The following FREM1 variants were observed in gnomAD, a reference collection of about 807,000 sequenced individuals.
The protein encoded by FREM1 is FRAS1-related extracellular matrix protein 1.
FREM1 carries 220 observed loss-of-function variants against 210.1 expected under a neutral mutation model. The ratio of observed to expected loss-of-function variants is 1.05; its 90% CI spans 0.94 to 1.17. FREM1 has a LOEUF of 1.17. Ranked by LOEUF, FREM1 falls within the 50% of genes most tolerant of loss-of-function variation. The pLI, the probability that FREM1 is intolerant of heterozygous loss-of-function variation, is 0.00. For missense variants in FREM1, 3,454 were observed against 2,675.5 expected, an observed-to-expected ratio of 1.29 and a Z score of -6.42; for synonymous variants, 1,189 against 980.2, an observed-to-expected ratio of 1.21 and a Z score of -3.98.
intron 4 of FREM1, among the ~76,000 whole-genome samples, chr9:14,858,250 G>C (rs746598697): frequency 2.6e-5 from 4 of 152,072 alleles, no homozygotes; most frequent in Non-Finnish European, 5.9e-5. Flanking sequence ...TTGACCACCT[G>C]AACCAACATG....
At chr9:14,827,764 T>C (rs1031738627) in intron 10 of FREM1, among the ~76,000 whole-genome samples, 6 of 152,160 alleles carry the variant, frequency 3.9e-5, no homozygotes, top group African/African-American at 1.4e-4. Flanking sequence ...GAGGACAGAA[T>C]GGTTTCAAGG....
chr9:14,769,356 C>G (rs1847093955), intron 27 of FREM1, among the ~76,000 whole-genome samples: 2 of 152,184 alleles, frequency 1.3e-5, no homozygotes, highest in African/African-American at 2.4e-5. Context: ...GCTATAGTTG[C>G]TAACACGGTC....
chr9:14,853,208 C>G (rs1828087917), intron 5 of FREM1, among the ~76,000 whole-genome samples: 1 of 151,466 alleles, frequency 6.6e-6, no homozygotes, highest in Non-Finnish European at 1.5e-5. Context: ...TGGCTGGAAG[C>G]AAAAAAAATG....
chr9:14,895,178 C>G (rs371703562), intron 1 of FREM1, among the ~76,000 whole-genome samples: 13 of 152,320 alleles, frequency 8.5e-5, no homozygotes, highest in African/African-American at 2.6e-4. Context: ...CCTTACGGAA[C>G]AGAGTTCCAT....
At chr9:14,841,311 T>C in intron 10 of FREM1, 136 bp downstream of exon 10, 1 of 647,184 alleles carries the variant, frequency 1.5e-6, no homozygotes, top group Non-Finnish European at 2.4e-6. Flanking sequence ...CAAAGAAATC[T>C]GCTTAATTTT....
intron 1 of FREM1, among the ~76,000 whole-genome samples, chr9:14,879,951 C>G (rs1834494631): frequency 6.6e-6 from 1 of 152,098 alleles, no homozygotes. Flanking sequence ...TTTGTGTCCC[C>G]TCACCAAATT....
At chr9:14,816,965 G>T in intron 14 of FREM1, 94 bp from the exon 15 acceptor site, 2 of 418,388 alleles carry the variant, frequency 4.8e-6, no homozygotes, top group Non-Finnish European at 4.2e-6. Flanking sequence ...CTTTGGCCAT[G>T]TGTTCACTAA....
intron 1 of FREM1, among the ~76,000 whole-genome samples, chr9:14,869,450 G>A (rs976305621): frequency 6.6e-6 from 1 of 152,124 alleles, no homozygotes; most frequent in Non-Finnish European, 1.5e-5. Flanking sequence ...TCCTGCTTCC[G>A]GACTTGACAT....
intron 10 of FREM1, among the ~76,000 whole-genome samples, chr9:14,830,053 G>GTTTCT: frequency 6.6e-6 from 1 of 152,182 alleles, no homozygotes; most frequent in Non-Finnish European, 1.5e-5. Flanking sequence ...TTTACCACAA[G>GTTTCT]TCAGAGAAGA....
At chr9:14,821,713 T>G (rs947401478) in intron 13 of FREM1, among the ~76,000 whole-genome samples, 3 of 152,110 alleles carry the variant, frequency 2.0e-5, no homozygotes, top group Non-Finnish European at 4.4e-5. Context: ...GTCAGGCCAG[T>G]GATAGAAATA....
intron 5 of FREM1, among the ~76,000 whole-genome samples, chr9:14,853,716 T>A (rs1162964793): frequency 2.0e-5 from 3 of 152,114 alleles, no homozygotes; most frequent in African/African-American, 7.2e-5. Flanking sequence ...ATCAACCCCT[T>A]CCCTTCCCAC....
chr9:14,801,593 G>A, intron 20 of FREM1, 59 bp downstream of exon 20: 1 of 1,184,802 alleles, frequency 8.4e-7, no homozygotes, highest in Non-Finnish European at 1.2e-6. Flanking sequence ...TCACATATAA[G>A]TATGGGTTAA....
chr9:14,764,085 C>G (rs987485544), intron 27 of FREM1, among the ~76,000 whole-genome samples: 3 of 152,126 alleles, frequency 2.0e-5, no homozygotes, highest in African/African-American at 7.2e-5. Flanking sequence ...GGGGTGGTTT[C>G]CACCATACTG....
rs1226499235 is a variant in FREM1, at chr9:14,774,657, G to A, written c.4857+1132C>T. 2.0e-5 allele frequency among the ~76,000 whole-genome samples: 3 copies of A among 152,020 alleles called. No individual in the cohort carries two copies. In the East Asian group the frequency reaches 5.8e-4, roughly 29 times the overall value. ...ATTTTGTGTTTGGTGTGAGTGTGTA[G>A]AAGAGGGTGAACTACTTCCAAGGAG... On this transcript the variant is annotated intron_variant, in intron 25 of 36. Transcript: ENST00000380880.
chr9:14,845,080 T>C (rs1200480848), intron 8 of FREM1, among the ~76,000 whole-genome samples: 2 of 152,196 alleles, frequency 1.3e-5, no homozygotes, highest in Non-Finnish European at 2.9e-5. Flanking sequence ...TCTTTCTGCA[T>C]TACAGTTAGG....
chr9:14,799,681 A>G (rs574969739), intron 20 of FREM1, among the ~76,000 whole-genome samples: 1 of 152,202 alleles, frequency 6.6e-6, no homozygotes, highest in African/African-American at 2.4e-5. Flanking sequence ...TAAACAATGT[A>G]TTCTATTATT....
intron 15 of FREM1, among the ~76,000 whole-genome samples, chr9:14,815,991 G>C (rs953044318): frequency 1.3e-5 from 2 of 151,940 alleles, no homozygotes; most frequent in Non-Finnish European, 2.9e-5. Flanking sequence ...GTCAAGAGGG[G>C]GAAATATGAT....
At position 14,807,958 on chromosome 9, in the gene FREM1, G is replaced by T. The variant is rs754194573; in HGVS notation, c.3070C>A (p.Pro1024Thr). The T allele has an allele frequency of 6.2e-7, 1 of 1,612,788 alleles. No homozygotes were observed. The highest frequency in any genetic ancestry group is 8.5e-7 in the Non-Finnish European group (1 of 1,179,066). The change falls in exon 17 of 37, where the codon CCA (proline) becomes ACA (threonine). Residue 1024 changes from proline to threonine, a missense_variant. Transcript: ENST00000380880. ...TTGTCACCTATTGCAATGGAAGGTGGCTGGTTGTCTACTGGGTATACCGTG... is the reference window on the plus strand; with the variant it reads ...TTGTCACCTATTGCAATGGAAGGTGTCTGGTTGTCTACTGGGTATACCGTG... ...NITVYPVDNQ[P>T]PSIAIGPVFV...
chr9:14,753,725 GCAAGGATTAA>G (rs1316137492), intron 29 of FREM1, among the ~76,000 whole-genome samples: 3 of 152,284 alleles, frequency 2.0e-5, no homozygotes, highest in Admixed American at 1.3e-4. Context: ...CCCAGAAGAG[GCAAGGATTAA>G]CAAGATAGGA....
Sources: gnomAD v4.1 joint callset for allele counts (sites outside exome capture counted in the v4.1 genomes callset) on GRCh38, gnomAD v4.1.1 for gene constraint, MANE v1.5 for transcripts, NCBI Gene and HGNC (gene_info 2026-07-23, HGNC 2026-07-21) for gene names.